Variants in KIAA0513 observed in about 807,000 individuals in gnomAD.
KIAA0513 encodes uncharacterized protein KIAA0513.
KIAA0513 carries 39 observed loss-of-function variants against 56.5 expected under a neutral mutation model. The ratio of observed to expected loss-of-function variants is 0.69; its 90% confidence interval spans 0.53 to 0.90. The LOEUF is 0.90. KIAA0513 is among the 40% of genes least tolerant of loss of function. The probability of loss-of-function intolerance (pLI) is 0.00; values close to 1 mark genes in which losing one functional copy is unlikely to be tolerated. For missense variants in KIAA0513, 591 were observed against 535.2 expected, an observed-to-expected ratio of 1.10 and a Z score of -1.03; for synonymous variants, 268 against 215.6, an observed-to-expected ratio of 1.24 and a Z score of -2.13.
intron 1 of KIAA0513, among the ~76,000 whole-genome samples, chr16:85,035,312 T>C (rs942041885): frequency 4.6e-5 from 7 of 152,210 alleles, no homozygotes; most frequent in African/African-American, 1.7e-4. Context: ...GTGCTCAGCA[T>C]GGAGCAGGTG....
chr16:85,062,594 T>C (rs2073422092), intron 1 of KIAA0513, among the ~76,000 whole-genome samples: 1 of 152,194 alleles, frequency 6.6e-6, no homozygotes, highest in Non-Finnish European at 1.5e-5. Flanking sequence ...ACGAAGCAGA[T>C]GGGCTGGGAT....
chr16:85,030,211 T>A (rs187235098), intron 1 of KIAA0513, among the ~76,000 whole-genome samples: 1 of 152,304 alleles, frequency 6.6e-6, no homozygotes, highest in Admixed American at 6.5e-5. Context: ...GGAAGTATGA[T>A]TGCAAAGAGC....
chr16:85,071,914 TTA>T (rs761956678), intron 3 of KIAA0513, 32 bp downstream of exon 3: 14 of 1,391,790 alleles, frequency 1.0e-5, no homozygotes, highest in Admixed American at 3.5e-5. Context: ...GGATGGGCGT[TTA>T]CTCTCAAGGA....
chr16:85,037,744 C>A (rs974805927), intron 1 of KIAA0513, among the ~76,000 whole-genome samples: 14 of 152,174 alleles, frequency 9.2e-5, no homozygotes, highest in African/African-American at 3.4e-4. Context: ...CTTGTGGAAG[C>A]AAGCGGTATT....
rs74031418 is a variant in KIAA0513 at position 85,071,494 on chromosome 16, C to T, written c.330-289C>T. On this transcript the variant is annotated intron_variant, in intron 2 of 12. Transcript: ENST00000683363. ...ACCTCCCCAGGCAGGGGTCAGGAGG[C>T]GCAGGGGAAGGACATGGGCTTTGGA... Among the ~76,000 whole-genome samples the T allele has an allele frequency of 2.4e-3, 371 of 152,262 alleles. 2 individuals carry two copies. Among genetic ancestry groups the T allele is most frequent in the African/African-American group, 8.4e-3 (350 of 41,552 alleles).
chr16:85,036,326 G>A (rs925544973), intron 1 of KIAA0513, among the ~76,000 whole-genome samples: 1 of 152,062 alleles, frequency 6.6e-6, no homozygotes. Context: ...CCCATTTGCA[G>A]TCTCTGCCCC....
chr16:85,077,600 C>G lies in KIAA0513; in HGVS notation c.750C>G (p.Thr250=), dbSNP rs1345574740. 17 of 1,613,382 alleles carry G rather than the reference C, an allele frequency of 1.1e-5. No homozygotes were observed. Among genetic ancestry groups the G allele is most frequent in the African/African-American group, 1.3e-5 (1 of 74,900 alleles). The change falls in exon 6 of 13, where the codon ACC becomes ACG. Residue 250 remains threonine, a synonymous_variant. Transcript: ENST00000683363. ...AGGGCTTCTTCGGGGGGCTGGAGAC[C>G]AAGCTGAAGGGGCCCCTGGCCAGGA... is the stretch of plus-strand genomic sequence containing the variant. ...NVKGFFGGLE[T]KLKGPLARRN...
At chr16:85,048,846 C>T (rs1246920250) in intron 1 of KIAA0513, among the ~76,000 whole-genome samples, 3 of 152,168 alleles carry the variant, frequency 2.0e-5, no homozygotes, top group Non-Finnish European at 2.9e-5. Flanking sequence ...CTGTAGAAAA[C>T]AGTAGAACAC....
At chr16:85,061,474 A>G (rs9630655) in intron 1 of KIAA0513, among the ~76,000 whole-genome samples, 18,702 of 152,186 alleles carry the variant, frequency 0.12, 1,249 homozygotes, top group African/African-American at 0.16. Flanking sequence ...CCAGGTGCAC[A>G]TGCGTGTGAT....
intron 1 of KIAA0513, among the ~76,000 whole-genome samples, chr16:85,046,902 A>C (rs2073178711): frequency 6.6e-6 from 1 of 152,146 alleles, no homozygotes; most frequent in African/African-American, 2.4e-5. Flanking sequence ...GGAGTCTGTC[A>C]GCTAATTCCA....
intron 8 of KIAA0513, chr16:85,079,231 C>T (rs59119047): frequency 0.31 from 270,225 of 870,340 alleles, 42,863 homozygotes; most frequent in Middle Eastern, 0.38. Context: ...CGCTGAGAAA[C>T]AGTCTGGCAG....
chr16:85,042,655 C>T (rs2326465), intron 1 of KIAA0513, among the ~76,000 whole-genome samples: 7,982 of 152,214 alleles, frequency 0.052, 335 homozygotes, highest in East Asian at 0.2. Context: ...AGGGAATATA[C>T]AATAAAGGTG....
intron 1 of KIAA0513, among the ~76,000 whole-genome samples, chr16:85,043,312 C>G (rs1036083160): frequency 1.1e-4 from 17 of 152,228 alleles, no homozygotes; most frequent in African/African-American, 4.1e-4. Context: ...CTGAAACAAC[C>G]TCCAGCCTCC....
At chr16:85,066,382 A>T (rs2073481598) in intron 1 of KIAA0513, among the ~76,000 whole-genome samples, 1 of 152,204 alleles carries the variant, frequency 6.6e-6, no homozygotes, top group South Asian at 2.1e-4. Context: ...AGCAACCATC[A>T]TAGGGTTTGA....
intron 11 of KIAA0513, 60 bp from the exon 12 acceptor site, chr16:85,087,012 G>A: frequency 6.6e-7 from 1 of 1,525,314 alleles, no homozygotes; most frequent in Non-Finnish European, 9.1e-7. Context: ...CAAGGGCCCA[G>A]CTCCCCGGCC....
rs967209220 is a variant in KIAA0513, at chr16:85,081,653, A to G, written c.980+261A>G. Reference sequence around the variant, plus strand: ...GACCCTCCTAAAAATGCAAACTCCCACTAAGACCATCAGGACCCCTGCTGC... The same window carrying G: ...GACCCTCCTAAAAATGCAAACTCCCGCTAAGACCATCAGGACCCCTGCTGC... On this transcript the variant is annotated intron_variant, in intron 9 of 12. Transcript: ENST00000683363. The surrounding 1 kb of genome is among the most constrained non-coding windows in gnomAD (Gnocchi z 4.4). Among the ~76,000 whole-genome samples, 2 of 152,006 alleles carry G rather than the reference A, an allele frequency of 1.3e-5. No individual in the cohort carries two copies. The highest frequency in any genetic ancestry group is 2.9e-5 in the Non-Finnish European group (2 of 68,000).
chr16:85,040,957 T>C (rs1001530067), intron 1 of KIAA0513, among the ~76,000 whole-genome samples: 11 of 152,188 alleles, frequency 7.2e-5, no homozygotes, highest in African/African-American at 2.7e-4. Flanking sequence ...ATCTGCCAAC[T>C]CCACCATTTC....
At chr16:85,083,301 C>G (rs1225865037) in intron 10 of KIAA0513, among the ~76,000 whole-genome samples, 6 of 152,180 alleles carry the variant, frequency 3.9e-5, no homozygotes, top group Non-Finnish European at 8.8e-5. Context: ...GCTGATCTGC[C>G]TCTTTAAATA....
At position 85,072,993 on chromosome 16, in the gene KIAA0513, G is replaced by C; in HGVS notation, c.498G>C (p.Leu166=). 6.2e-7 allele frequency: 1 copy of C among 1,613,664 alleles called. No individual in the cohort carries two copies. The highest frequency in any genetic ancestry group is 8.5e-7 in the Non-Finnish European group (1 of 1,179,638). ...YRLVQSFAVV[L]FECHQMDDFG... is the part of the protein sequence containing the mutation. The stretch of plus-strand genomic sequence containing the variant: ...TGGTGCAGTCTTTTGCAGTGGTGCT[G>C]TTCGAGTAAGTAATGCCGTGGCACA... The change falls in exon 4 of 13, where the codon CTG becomes CTC. Residue 166 remains leucine, a synonymous_variant. Coordinates refer to ENST00000683363, the MANE Select transcript of KIAA0513 (RefSeq NM_001388359.1).
Sources: allele counts gnomAD v4.1 joint callset (sites outside exome capture counted in the v4.1 genomes callset), GRCh38; gene constraint gnomAD v4.1.1; non-coding constraint Gnocchi (gnomAD v3.1); transcripts MANE v1.5; gene names NCBI Gene and HGNC (gene_info 2026-07-23, HGNC 2026-07-21).